The following BRSK2 variants were observed in gnomAD, a reference collection of about 807,000 sequenced individuals.
The protein encoded by BRSK2 is BR serine/threonine kinase 2.
Under a neutral mutation model 83.3 loss-of-function variants are expected in BRSK2, and 19 were observed. The observed-to-expected ratio is 0.23, with a 90% CI of 0.16 to 0.33. BRSK2 has a LOEUF of 0.33. Ranked by LOEUF, BRSK2 falls within the 10% of genes least tolerant of loss-of-function variation. The pLI is 1.00. For synonymous variants in BRSK2, 519 were observed against 435.4 expected (o/e 1.19, Z -2.39); for missense variants, 798 against 1,042.3 (o/e 0.77, Z 3.23).
intron 1 of BRSK2, among the ~76,000 whole-genome samples, chr11:1,397,806 A>T (rs1351203457): frequency 6.7e-6 from 1 of 149,844 alleles, no homozygotes; most frequent in Non-Finnish European, 1.5e-5. Context: ...GCACTGGCTG[A>T]GGGGAATGGA....
chr11:1,449,898 C>A, intron 13 of BRSK2, 62 bp downstream of exon 13: 1 of 1,354,312 alleles, frequency 7.4e-7, no homozygotes, highest in Non-Finnish European at 1.0e-6. Flanking sequence ...TCCCAGTCAG[C>A]GTGTGCCAGG....
In BRSK2 at chr11:1,450,747, A is replaced by G. The variant is rs561026739; in HGVS notation, c.1448A>G (p.Lys483Arg). The G allele has an allele frequency of 6.3e-7, 1 of 1,598,622 alleles. No homozygotes were observed. The highest frequency in any genetic ancestry group is 1.1e-5 in the South Asian group (1 of 89,084). The change falls in exon 14 of 20, where the codon AAG becomes AGG. Residue 483 changes from lysine (K) to arginine (R), a missense_variant. Lys to Arg is a conservative substitution (Grantham distance 26, BLOSUM62 2). Coordinates refer to ENST00000528841, the MANE Select transcript of BRSK2 (RefSeq NM_001256627.2). ...TGGAGGGCGCGGCTCAACTCCATCA[A>G]GAACAGCTTTCTGGGCTCACCCCGC... is the stretch of plus-strand genomic sequence containing the variant. ...VPWRARLNSI[K>R]NSFLGSPRFH...
intron 2 of BRSK2, among the ~76,000 whole-genome samples, chr11:1,437,577 A>G (rs868637132): frequency 3.9e-5 from 6 of 152,250 alleles, no homozygotes; most frequent in African/African-American, 1.4e-4. Flanking sequence ...GGGGGACAGT[A>G]CCAGCTGGGA....
intron 1 of BRSK2, among the ~76,000 whole-genome samples, chr11:1,425,144 G>A (rs920082611): frequency 2.0e-5 from 3 of 152,236 alleles, no homozygotes; most frequent in South Asian, 2.1e-4. Context: ...CTGCGTGGCC[G>A]GTCGGTCCCG....
chr11:1,436,705 C>G lies in BRSK2; in HGVS notation c.186+571C>G, dbSNP rs549354094. Among the ~76,000 whole-genome samples, 10 of 152,160 alleles carry G rather than the reference C, an allele frequency of 6.6e-5. No homozygotes were observed. In the South Asian group the frequency reaches 1.9e-3, roughly 28 times the overall value. ...GGGTGTAGAGGAAGAGGCTGGGGCT[C>G]CCAGCTGCTCCGGGTCCCACCCACA... On this transcript the variant is annotated intron_variant, in intron 2 of 19. Coordinates refer to ENST00000528841, the MANE Select transcript of BRSK2 (RefSeq NM_001256627.2).
rs367667001 is a variant in BRSK2 at position 1,449,855 on chromosome 11, C to T, written c.1287+19C>T. The T allele has an allele frequency of 3.4e-4, 548 of 1,593,436 alleles. No homozygotes were observed. The highest frequency in any genetic ancestry group is 4.5e-4 in the Non-Finnish European group (524 of 1,163,784). The stretch of plus-strand genomic sequence containing the variant: ...CCCCCGGGTGAGTGACCCCCCGCCC[C>T]CACCCAGCTCGGATGCACAGAGGCC... On this transcript the variant is annotated intron_variant, in intron 13 of 19. Coordinates refer to ENST00000528841, the MANE Select transcript of BRSK2 (RefSeq NM_001256627.2).
intron 12 of BRSK2, chr11:1,447,733 G>T (rs998900643): frequency 6.7e-7 from 1 of 1,503,380 alleles, no homozygotes; most frequent in African/African-American, 1.4e-5. Flanking sequence ...CCCGGGCCCT[G>T]GGGGCCGACC....
intron 1 of BRSK2, among the ~76,000 whole-genome samples, chr11:1,433,499 C>T (rs11027175): frequency 1.3e-5 from 2 of 152,124 alleles, no homozygotes; most frequent in Non-Finnish European, 2.9e-5. Flanking sequence ...TTAGGGGCTC[C>T]ATGCCCTTCG....
Position 1,449,644 on chromosome 11 carries a change from G to A in BRSK2, c.1227-132G>A, listed in dbSNP as rs538498505. 9 of 711,086 alleles carry A rather than the reference G, an allele frequency of 1.3e-5. 1 individual carries two copies. The South Asian group carries it at 1.8e-4, about 14-fold the overall frequency. The allele number at this position is 711,086 out of a possible 1,614,324, so 44.0% of individuals were successfully genotyped here. On this transcript the variant is annotated intron_variant, in intron 12 of 19. Transcript: ENST00000528841. ...CCTGAATTGACAGGGTGTGCAGCAGGACCCAGGGCCTCGAGGCTCTTGGCC... is the reference window on the plus strand; with the variant it reads ...CCTGAATTGACAGGGTGTGCAGCAGAACCCAGGGCCTCGAGGCTCTTGGCC...
Position 1,461,375 on chromosome 11 carries a change from G to C in BRSK2, c.*652G>C, listed in dbSNP as rs1358064053. 3.3e-6 allele frequency: 1 copy of C among 299,824 alleles called. No individual in the cohort carries two copies. 18.6% of individuals were successfully genotyped at this position (299,824 alleles called of 1,614,324 possible). A position where few individuals can be genotyped will look rare whatever the true frequency, so the allele number is the denominator to read the frequency against. Reference sequence around the variant, plus strand: ...GCTGCGCCGCCTCCGTGTAGTCTTGGCCTCCTCAGGCTGCCTCCCGTCCTC... The same window carrying C: ...GCTGCGCCGCCTCCGTGTAGTCTTGCCCTCCTCAGGCTGCCTCCCGTCCTC... On this transcript the variant is annotated 3_prime_UTR_variant, in exon 20 of 20. Transcript: ENST00000528841.
At position 1,443,045 on chromosome 11, in the gene BRSK2, C is replaced by G; in HGVS notation, c.531-61C>G. ...TGAGGGCCCTGCGGTGCACCATCACCCTGGGGGGAGGGCCTGGCAGCGCCC... is the reference window on the plus strand; with the variant it reads ...TGAGGGCCCTGCGGTGCACCATCACGCTGGGGGGAGGGCCTGGCAGCGCCC... On this transcript the variant is annotated intron_variant, in intron 5 of 19. Coordinates refer to ENST00000528841, the MANE Select transcript of BRSK2 (RefSeq NM_001256627.2). 5.3e-6 allele frequency: 8 copies of G among 1,511,998 alleles called. No individual in the cohort carries two copies. The South Asian group carries it at 9.9e-5, about 19-fold the overall frequency. 93.7% of individuals were successfully genotyped at this position (1,511,998 alleles called of 1,614,324 possible).
chr11:1,460,421 C>G, intron 19 of BRSK2, 79 bp from the exon 20 acceptor site: 88 of 876,768 alleles, frequency 1.0e-4, no homozygotes, highest in Non-Finnish European at 1.3e-4. Context: ...TCTCTCCTTC[C>G]CTCCCCTCCT....
intron 1 of BRSK2, chr11:1,411,410 C>A: frequency 6.8e-7 from 1 of 1,468,002 alleles, no homozygotes; most frequent in East Asian, 2.6e-5. Context: ...ACCCCATGAG[C>A]CCTGAGGGCC....
chr11:1,399,884 G>T (rs544840505), intron 1 of BRSK2, among the ~76,000 whole-genome samples: 3 of 126,702 alleles, frequency 2.4e-5, no homozygotes, highest in Non-Finnish European at 4.9e-5. Context: ...TGGAGGCCTC[G>T]CTCCGGGTCC....
chr11:1,413,463 A>G (rs539987273), intron 1 of BRSK2, among the ~76,000 whole-genome samples: 1 of 152,072 alleles, frequency 6.6e-6, no homozygotes, highest in Non-Finnish European at 1.5e-5. Context: ...GGGCCCTGGC[A>G]GTGGTATCTC....
Position 1,456,240 on chromosome 11 carries a change from G to A in BRSK2, c.1669-108G>A, listed in dbSNP as rs1241906903. The A allele has an allele frequency of 1.4e-5, 16 of 1,183,828 alleles. No homozygotes were observed. The Admixed American group carries it at 4.7e-4, about 35-fold the overall frequency. 73.3% of individuals were successfully genotyped at this position (1,183,828 alleles called of 1,614,324 possible). On this transcript the variant is annotated intron_variant, in intron 16 of 19. Coordinates refer to ENST00000528841, the MANE Select transcript of BRSK2 (RefSeq NM_001256627.2). ...CTCACGGAAGCAGAGGTGCCTGGGT[G>A]CTCACAATGTGTGCACGGTGGGGCT...
At chr11:1,460,063 G>A (rs1847220837) in intron 19 of BRSK2, among the ~76,000 whole-genome samples, 1 of 150,940 alleles carries the variant, frequency 6.6e-6, no homozygotes, top group South Asian at 2.1e-4. Context: ...GTTGGGGTGG[G>A]TCGGCCCTCA....
rs1246968323 is a variant in BRSK2, at chr11:1,445,750, T to C, written c.1076-7T>C. 1.2e-6 allele frequency: 2 copies of C among 1,611,626 alleles called. No individual in the cohort carries two copies. The highest frequency in any genetic ancestry group is 1.1e-5 in the South Asian group (1 of 91,014). On this transcript the variant is annotated splice_region_variant and splice_polypyrimidine_tract_variant and intron_variant, in intron 11 of 19. Transcript: ENST00000528841. Reference sequence around the variant, plus strand: ...GGCTGTCTGGCCTGACCTTCGTCTGTACTCAGACCCTCCCCGGAAGCGTGT... The same window carrying C: ...GGCTGTCTGGCCTGACCTTCGTCTGCACTCAGACCCTCCCCGGAAGCGTGT...
In BRSK2 at chr11:1,460,816, C is replaced by A; in HGVS notation, c.*93C>A. Reference sequence around the variant, plus strand: ...CCCGAGTGGACCCGCGGCCGCGCCGCCCGTCCGTCCAGACTGTTCTCAGAG... The same window carrying A: ...CCCGAGTGGACCCGCGGCCGCGCCGACCGTCCGTCCAGACTGTTCTCAGAG... On this transcript the variant is annotated 3_prime_UTR_variant, in exon 20 of 20. Transcript: ENST00000528841. The A allele has an allele frequency of 6.7e-7, 1 of 1,487,368 alleles. No individual in the cohort carries two copies. Among genetic ancestry groups the A allele is most frequent in the Non-Finnish European group, 8.9e-7 (1 of 1,128,264 alleles). The allele number at this position is 1,487,368 out of a possible 1,614,324, so 92.1% of individuals were successfully genotyped here.
Sources: gnomAD v4.1 joint callset for allele counts (sites outside exome capture counted in the v4.1 genomes callset) on GRCh38, gnomAD v4.1.1 for gene constraint, MANE v1.5 for transcripts, NCBI Gene and HGNC (gene_info 2026-07-23, HGNC 2026-07-21) for gene names.